Variants in CD207 observed in about 807,000 individuals in gnomAD.
CD207 encodes the protein C-type lectin domain family 4 member K.
In CD207, 28 loss-of-function variants were observed where a neutral mutation model predicts 31.6. That is an observed-to-expected ratio of 0.89 (90% confidence interval 0.66 to 1.21). The LOEUF (loss-of-function observed/expected upper bound fraction) is 1.21, where lower values mean the gene tolerates loss of function less well. CD207 is among the 50% of genes most tolerant of loss of function. The pLI, the probability that CD207 is intolerant of heterozygous loss-of-function variation, is 0.00. For missense variants in CD207, 388 were observed against 397.8 expected (o/e 0.98, Z 0.21); for synonymous variants, 168 against 153.9 (o/e 1.09, Z -0.68).
Position 70,831,204 on chromosome 2 carries a change from C to T in CD207, c.837-4G>A, listed in dbSNP as rs1278282085. On this transcript the variant is annotated splice_region_variant and splice_polypyrimidine_tract_variant and intron_variant, in intron 5 of 5. Transcript: ENST00000410009. ...GGGCTCACCTGGAATCCAGAACCTA[C>T]CAAGAGCGGGGAAAAAGATGGATTT... 2 of 1,596,700 alleles carry T rather than the reference C, an allele frequency of 1.3e-6. No homozygotes were observed. The highest frequency in any genetic ancestry group is 1.1e-5 in the South Asian group (1 of 87,412).
chr2:70,832,765 G>A, intron 4 of CD207, 135 bp downstream of exon 4: 1 of 861,972 alleles, frequency 1.2e-6, no homozygotes, highest in Non-Finnish European at 1.7e-6. Flanking sequence ...TATTCGACAT[G>A]CTACTGAGAA....
downstream of CD207, among the ~76,000 whole-genome samples, chr2:70,828,573 G>A (rs929462643): frequency 3.9e-5 from 6 of 152,194 alleles, no homozygotes; most frequent in South Asian, 4.1e-4. Context: ...CCCTGGGAAC[G>A]GGAGCAGCCG....
chr2:70,831,680 C>T (rs3213748), intron 5 of CD207, 21 bp downstream of exon 5: 21 of 1,473,700 alleles, frequency 1.4e-5, no homozygotes, highest in African/African-American at 5.6e-5. Flanking sequence ...CAGGCTGGCA[C>T]GGAGGGCTCC....
chr2:70,827,762 G>A (rs370636128), downstream of CD207, among the ~76,000 whole-genome samples: 26 of 151,422 alleles, frequency 1.7e-4, no homozygotes, highest in African/African-American at 6.1e-4. Flanking sequence ...AAGAGAAAGC[G>A]AGAGAGAATG....
chr2:70,827,694 G>A (rs1343338706), downstream of CD207, among the ~76,000 whole-genome samples: 2 of 151,870 alleles, frequency 1.3e-5, no homozygotes, highest in African/African-American at 2.4e-5. Context: ...AAAGCACTGG[G>A]AAAATTAAAG....
At chr2:70,824,469 C>T in the CD207 span, among the ~76,000 whole-genome samples, 1 of 151,850 alleles carries the variant, frequency 6.6e-6, no homozygotes, top group African/African-American at 2.4e-5. Context: ...AACAGCCACA[C>T]AGCCCCCAGG....
chr2:70,831,159 T>A lies in CD207; in HGVS notation c.878A>T (p.Glu293Val). Residue 293 changes from glutamate (E) to valine (V), a missense_variant, in exon 6 of 6, where the codon GAA becomes GTA. Transcript: ENST00000410009. ...PGEPNNAGNN[E>V]HCGNIKAPSL... is the part of the protein sequence containing the mutation. ...GGGAGCCTTTATATTGCCACAGTGT[T>A]CATTGTTCCCAGCATTGTTGGGCTC... is the stretch of plus-strand genomic sequence containing the variant. 6.2e-7 allele frequency: 1 copy of A among 1,613,916 alleles called. No homozygotes were observed. Among genetic ancestry groups the A allele is most frequent in the Non-Finnish European group, 8.5e-7 (1 of 1,179,802 alleles).
intron 1 of CD207, 26 bp downstream of exon 1, chr2:70,835,678 A>C (rs1677599186): frequency 4.3e-6 from 7 of 1,611,620 alleles, no homozygotes; most frequent in Non-Finnish European, 4.2e-6. Context: ...AACACGGAGC[A>C]GGTTCTCAGC....
rs782430932 is a variant in CD207, at chr2:70,832,893, C to T, written c.717+7G>A. Reference sequence around the variant, plus strand: ...CCCTTCACAGAGCCCATAGGCACAGCACTCACCTGCTCACTCTCTGAGGTC... The same window carrying T: ...CCCTTCACAGAGCCCATAGGCACAGTACTCACCTGCTCACTCTCTGAGGTC... On this transcript the variant is annotated splice_region_variant and intron_variant, in intron 4 of 5. Transcript: ENST00000410009. 1.2e-6 allele frequency: 2 copies of T among 1,612,014 alleles called. No homozygotes were observed.
At chr2:70,832,403 C>T (rs1333626298) in intron 4 of CD207, among the ~76,000 whole-genome samples, 1 of 152,210 alleles carries the variant, frequency 6.6e-6, no homozygotes, top group East Asian at 1.9e-4. Context: ...CAATTTCTGC[C>T]TCACCAGGCA....
chr2:70,829,676 T>C (rs550822151), downstream of CD207, among the ~76,000 whole-genome samples: 2 of 152,352 alleles, frequency 1.3e-5, no homozygotes, highest in South Asian at 4.1e-4. Flanking sequence ...GCACGTGGTA[T>C]TTCAGGTCTT....
intron 3 of CD207, among the ~76,000 whole-genome samples, 189 bp downstream of exon 3, chr2:70,833,457 C>T (rs1457506535): frequency 6.6e-6 from 1 of 152,144 alleles, no homozygotes; most frequent in African/African-American, 2.4e-5. Flanking sequence ...ACCCTGGTCT[C>T]TTTTCTCCTA....
At position 70,833,001 on chromosome 2, in the gene CD207, A is replaced by T. The variant is rs1553400137; in HGVS notation, c.616T>A (p.Phe206Ile). 6.2e-7 allele frequency: 1 copy of T among 1,613,992 alleles called. No homozygotes were observed. Among genetic ancestry groups the T allele is most frequent in the South Asian group, 1.1e-5 (1 of 91,084 alleles). Residue 206 changes from phenylalanine to isoleucine, a missense_variant, in exon 4 of 6, where the codon TTC (phenylalanine) becomes ATC (isoleucine). Transcript: ENST00000410009. ...TTTGGAATGAGAGAAAAGTAATAGA[A>T]GTTCCCCTTGAAGTACTTCCAGCCT... is the stretch of plus-strand genomic sequence containing the variant. ...SQGWKYFKGN[F>I]YYFSLIPKTW... is the part of the protein sequence containing the mutation.
In CD207 at chr2:70,831,727, C is replaced by T. The variant is rs782603589; in HGVS notation, c.810G>A (p.Thr270=). Residue 270 remains threonine (T), a synonymous_variant, in exon 5 of 6, where the codon ACG becomes ACA. Transcript: ENST00000410009. ...MEGDWSWVDD[T]PFNKVQSVRF... ...TCACACTTTGGACCTTGTTGAATGG[C>T]GTGTCATCCACCCAGGACCAGTCCC... The T allele has an allele frequency of 4.3e-5, 69 of 1,612,308 alleles. No homozygotes were observed. The highest frequency in any genetic ancestry group is 8.0e-5 in the African/African-American group (6 of 74,878).
At chr2:70,825,803 G>C (rs1236682747), downstream of CD207, among the ~76,000 whole-genome samples, 1 of 152,004 alleles carries the variant, frequency 6.6e-6, no homozygotes, top group African/African-American at 2.4e-5. Context: ...TCTGTGCTCT[G>C]TGAACACAGG....
chr2:70,825,011 A>G, the CD207 span, among the ~76,000 whole-genome samples: 1 of 152,220 alleles, frequency 6.6e-6, no homozygotes, highest in East Asian at 1.9e-4. Context: ...AACTTGGCAA[A>G]CACTACCCCA....
downstream of CD207, among the ~76,000 whole-genome samples, chr2:70,825,815 A>T (rs1677329840): frequency 6.6e-6 from 1 of 152,104 alleles, no homozygotes; most frequent in South Asian, 2.1e-4. Context: ...GAACACAGGC[A>T]TGAGCCACTG....
the CD207 span, among the ~76,000 whole-genome samples, chr2:70,824,644 A>AAAAAAAAAAAAAG: frequency 6.6e-6 from 1 of 150,730 alleles, no homozygotes; most frequent in African/African-American, 2.4e-5. Context: ...AAAAAAAAAA[A>AAAAAAAAAAAAAG]AACTGAGGGA....
chr2:70,824,762 T>C, the CD207 span, among the ~76,000 whole-genome samples: 1 of 152,136 alleles, frequency 6.6e-6, no homozygotes, highest in African/African-American at 2.4e-5. Context: ...TATTGGATTA[T>C]AACCCAAAGT....
Sources: allele counts gnomAD v4.1 joint callset (sites outside exome capture counted in the v4.1 genomes callset), GRCh38; gene constraint gnomAD v4.1.1; transcripts MANE v1.5; gene names NCBI Gene and HGNC (gene_info 2026-07-23, HGNC 2026-07-21).